Variants in SGCZ observed in about 807,000 individuals in gnomAD.
The protein encoded by SGCZ is sarcoglycan zeta.
SGCZ carries 40 observed loss-of-function variants against 41.3 expected under a neutral mutation model. That is an observed-to-expected ratio of 0.97 (90% CI 0.75 to 1.26). SGCZ has a LOEUF of 1.26. Ranked by LOEUF, SGCZ falls within the 50% of genes most tolerant of loss-of-function variation. The pLI is 0.00. For synonymous variants in SGCZ, 206 were observed against 137.5 expected (o/e 1.50, Z -3.49); for missense variants, 552 against 369.8 (o/e 1.49, Z -4.04).
chr8:14,694,641 C>T (rs1808900110), intron 1 of SGCZ, among the ~76,000 whole-genome samples: 1 of 152,146 alleles, frequency 6.6e-6, no homozygotes, highest in South Asian at 2.1e-4. Flanking sequence ...TTACAATGAA[C>T]ACTCCCACAT....
In SGCZ at chr8:15,186,715, A is replaced by G. The variant is rs539203606; in HGVS notation, c.39+50870T>C. Among the ~76,000 whole-genome samples the G allele has an allele frequency of 4.6e-5, 7 of 152,330 alleles. No homozygotes were observed. The East Asian group carries it at 1.3e-3, about 29-fold the overall frequency. ...TATTGAGTGCATGAAGGGGTGTTTT[A>G]CTTAATTTGAAAACTAGCTGATTTC... On this transcript the variant is annotated intron_variant, in intron 1 of 7. Transcript: ENST00000382080.
At position 14,814,645 on chromosome 8, in the gene SGCZ, A is replaced by G. The variant is rs1459629828; in HGVS notation, c.40-259719T>C. Among the ~76,000 whole-genome samples the G allele has an allele frequency of 2.0e-5, 3 of 152,170 alleles. No homozygotes were observed. The East Asian group carries it at 5.8e-4, about 29-fold the overall frequency. On this transcript the variant is annotated intron_variant, in intron 1 of 7. Transcript: ENST00000382080. ...GAGTTCAGAGAAGATGGGAGGACGC[A>G]AGCTGGGAATGAATTTCTTGCCAGC...
At chr8:15,205,595 C>G (rs1180696231) in intron 1 of SGCZ, among the ~76,000 whole-genome samples, 1 of 151,818 alleles carries the variant, frequency 6.6e-6, no homozygotes, top group East Asian at 1.9e-4. Context: ...AATAAAAAGT[C>G]AAAAAATAAC....
intron 2 of SGCZ, among the ~76,000 whole-genome samples, chr8:14,366,416 G>A (rs192965750): frequency 6.6e-6 from 1 of 152,170 alleles, no homozygotes; most frequent in Admixed American, 6.5e-5. Flanking sequence ...GAACAGCATG[G>A]GGGAAACCAC....
intron 1 of SGCZ, among the ~76,000 whole-genome samples, chr8:14,768,432 A>G (rs1251649915): frequency 6.6e-6 from 1 of 152,238 alleles, no homozygotes; most frequent in Non-Finnish European, 1.5e-5. Context: ...CTGAAGAATG[A>G]CTTAAGCACT....
chr8:14,394,669 G>C (rs1056990787), intron 2 of SGCZ, among the ~76,000 whole-genome samples: 5 of 152,072 alleles, frequency 3.3e-5, no homozygotes, highest in African/African-American at 9.6e-5. Flanking sequence ...AAATGACAAA[G>C]GCCTAAACTA....
intron 2 of SGCZ, among the ~76,000 whole-genome samples, chr8:14,464,695 C>T (rs1360285135): frequency 1.3e-5 from 2 of 151,122 alleles, no homozygotes; most frequent in African/African-American, 4.8e-5. Context: ...TGTTTATTGA[C>T]TTGAAACATA....
chr8:14,781,069 TG>T (rs1472590966), intron 1 of SGCZ, among the ~76,000 whole-genome samples: 1 of 152,186 alleles, frequency 6.6e-6, no homozygotes. Flanking sequence ...TTAGTGTATA[TG>T]CCTGAGGGAT....
chr8:15,166,152 G>A (rs571149050), intron 1 of SGCZ, among the ~76,000 whole-genome samples: 19 of 151,876 alleles, frequency 1.3e-4, no homozygotes, highest in Middle Eastern at 3.4e-3. Flanking sequence ...CAAAGGGCCC[G>A]TGGAATTTCC....
chr8:14,174,141 A>T (rs749603378), intron 4 of SGCZ, among the ~76,000 whole-genome samples: 1 of 152,156 alleles, frequency 6.6e-6, no homozygotes, highest in Non-Finnish European at 1.5e-5. Flanking sequence ...CTTAAAAATT[A>T]TACAGACAGG....
chr8:14,273,897 A>G (rs946955669), intron 3 of SGCZ, among the ~76,000 whole-genome samples: 1 of 152,170 alleles, frequency 6.6e-6, no homozygotes, highest in African/African-American at 2.4e-5. Flanking sequence ...AGAGGTAAAA[A>G]ATGTTTACGT....
chr8:14,965,848 TCTA>T (rs2130857952), intron 1 of SGCZ, among the ~76,000 whole-genome samples: 1 of 152,114 alleles, frequency 6.6e-6, no homozygotes, highest in Admixed American at 6.5e-5. Context: ...GCAGGGCAAA[TCTA>T]ATAATAATAG....
intron 4 of SGCZ, among the ~76,000 whole-genome samples, chr8:14,201,412 T>C (rs997706846): frequency 6.6e-6 from 1 of 152,158 alleles, no homozygotes; most frequent in Non-Finnish European, 1.5e-5. Context: ...AGAGAAACTG[T>C]GGTACATCCA....
At chr8:15,028,711 G>C (rs929360855) in intron 1 of SGCZ, among the ~76,000 whole-genome samples, 3 of 152,096 alleles carry the variant, frequency 2.0e-5, no homozygotes, top group African/African-American at 7.2e-5. Context: ...CTTACAAATA[G>C]CTTTAATCAT....
rs933926387 is a variant in SGCZ at position 15,152,138 on chromosome 8, T to C, written c.39+85447A>G. ...TGTTAAAAACTGAGATGTCCTGAGA[T>C]AGCATGAAAGTGACAGGACTTCTAA... On this transcript the variant is annotated intron_variant, in intron 1 of 7. Coordinates refer to ENST00000382080, the MANE Select transcript of SGCZ (RefSeq NM_139167.4). Among the ~76,000 whole-genome samples the C allele has an allele frequency of 1.2e-4, 19 of 152,232 alleles. No individual in the cohort carries two copies. The East Asian group carries it at 2.1e-3, about 17-fold the overall frequency.
At chr8:14,309,661 G>T in intron 3 of SGCZ, 2 of 1,610,554 alleles carry the variant, frequency 1.2e-6, no homozygotes, top group Non-Finnish European at 1.7e-6. Context: ...ACTAAAAATA[G>T]GTTTGTTGTT....
intron 2 of SGCZ, among the ~76,000 whole-genome samples, chr8:14,343,551 T>A (rs1585387148): frequency 6.6e-6 from 1 of 152,176 alleles, no homozygotes; most frequent in Admixed American, 6.5e-5. Flanking sequence ...TATATAAGAA[T>A]TTCAAGAAAA....
At chr8:15,014,078 A>G (rs765918691) in intron 1 of SGCZ, among the ~76,000 whole-genome samples, 15 of 152,320 alleles carry the variant, frequency 9.8e-5, no homozygotes, top group Middle Eastern at 6.8e-3. Flanking sequence ...TTGTTTGCTC[A>G]AACATCTCCC....
intron 1 of SGCZ, among the ~76,000 whole-genome samples, chr8:14,579,497 T>C (rs1381599169): frequency 1.3e-5 from 2 of 152,232 alleles, no homozygotes; most frequent in Non-Finnish European, 2.9e-5. Context: ...CATCGATAAC[T>C]GAATGACTTC....
Sources: allele counts gnomAD v4.1 joint callset (sites outside exome capture counted in the v4.1 genomes callset), GRCh38; gene constraint gnomAD v4.1.1; transcripts MANE v1.5; gene names NCBI Gene and HGNC (gene_info 2026-07-23, HGNC 2026-07-21).